ZNRF1: variants seen among roughly 807,000 people sequenced by gnomAD.
ZNRF1 encodes zinc and ring finger 1.
Under a neutral mutation model 18.4 loss-of-function variants are expected in ZNRF1, and 3 were observed. The ratio of observed to expected loss-of-function variants is 0.16; its 90% CI spans 0.07 to 0.42. The LOEUF is 0.42. Ranked by LOEUF, ZNRF1 falls within the 10% of genes least tolerant of loss-of-function variation. The pLI is 0.99. For synonymous variants in ZNRF1, 157 were observed against 144.2 expected (o/e 1.09, Z -0.64); for missense variants, 310 against 329.8 (o/e 0.94, Z 0.47).
intron 1 of ZNRF1, among the ~76,000 whole-genome samples, chr16:75,003,040 G>A (rs139579458): frequency 2.6e-5 from 4 of 152,252 alleles, no homozygotes; most frequent in African/African-American, 7.2e-5. Flanking sequence ...TGCAGTCTCC[G>A]CCTCCCGGGT....
intron 1 of ZNRF1, among the ~76,000 whole-genome samples, chr16:75,034,879 A>C (rs950453481): frequency 6.6e-6 from 1 of 152,030 alleles, no homozygotes; most frequent in Non-Finnish European, 1.5e-5. Context: ...CACCAGCCTC[A>C]GCCTCCCAGA....
At chr16:75,048,095 G>C (rs187909700) in intron 1 of ZNRF1, among the ~76,000 whole-genome samples, 11 of 152,146 alleles carry the variant, frequency 7.2e-5, no homozygotes, top group Non-Finnish European at 1.5e-4. Flanking sequence ...TGGAACTACA[G>C]GCACGCCGCC....
chr16:75,069,721 C>T (rs542409569), intron 1 of ZNRF1, among the ~76,000 whole-genome samples: 1 of 152,150 alleles, frequency 6.6e-6, no homozygotes, highest in Non-Finnish European at 1.5e-5. Context: ...CTCATCTGGA[C>T]TTTTTAAAAC....
intron 1 of ZNRF1, among the ~76,000 whole-genome samples, chr16:75,031,475 A>AT (rs1001884987): frequency 1.4e-4 from 21 of 151,934 alleles, no homozygotes; most frequent in Non-Finnish European, 1.9e-4. Context: ...TTAAAAAAAA[A>AT]TTTTTTTTCT....
At chr16:75,103,107 G>C (rs992361329) in intron 2 of ZNRF1, among the ~76,000 whole-genome samples, 2 of 152,272 alleles carry the variant, frequency 1.3e-5, no homozygotes, top group East Asian at 3.9e-4. Flanking sequence ...TGTGCCTTTT[G>C]ATTTCCTTGT....
chr16:75,051,606 C>T (rs1336097670), intron 1 of ZNRF1, among the ~76,000 whole-genome samples: 1 of 151,866 alleles, frequency 6.6e-6, no homozygotes, highest in Admixed American at 6.6e-5. Context: ...CAATCTCTAC[C>T]TCCCGGGTTC....
At chr16:75,082,769 G>A (rs867100286) in intron 1 of ZNRF1, among the ~76,000 whole-genome samples, 3 of 152,142 alleles carry the variant, frequency 2.0e-5, no homozygotes, top group Non-Finnish European at 1.5e-5. Flanking sequence ...GCCCACGCTG[G>A]TCTTGAATAC....
chr16:75,047,864 G>A (rs1483167779), intron 1 of ZNRF1, among the ~76,000 whole-genome samples: 3 of 152,060 alleles, frequency 2.0e-5, no homozygotes. Context: ...TTTCTTCTGA[G>A]GCCTCTTTCC....
At chr16:75,101,338 G>A (rs370790662) in intron 2 of ZNRF1, among the ~76,000 whole-genome samples, 4 of 152,294 alleles carry the variant, frequency 2.6e-5, no homozygotes, top group African/African-American at 9.6e-5. Context: ...GGTGGATCAC[G>A]AGGTCAAGAG....
At position 75,095,569 on chromosome 16, in the gene ZNRF1, G is replaced by A. The variant is rs145288808; in HGVS notation, c.520+1902G>A. ...CGTTTGTCCTGTGGGTTGCTAGGGCGTTCTCTGTAGACACTGCGTTTGTTG... is the reference window on the plus strand; with the variant it reads ...CGTTTGTCCTGTGGGTTGCTAGGGCATTCTCTGTAGACACTGCGTTTGTTG... On this transcript the variant is annotated intron_variant, in intron 2 of 4. Transcript: ENST00000335325. The A allele has an allele frequency of 7.8e-5, 117 of 1,502,900 alleles. 1 individual carries two copies. In the African/African-American group the frequency reaches 9.0e-4, roughly 12 times the overall value. 93.1% of individuals were successfully genotyped at this position (1,502,900 alleles called of 1,614,324 possible).
At chr16:75,088,378 C>A (rs796545065) in intron 1 of ZNRF1, among the ~76,000 whole-genome samples, 5 of 152,190 alleles carry the variant, frequency 3.3e-5, no homozygotes, top group African/African-American at 1.2e-4. Context: ...CAGCATCTTA[C>A]AACCAGTGCT....
intron 1 of ZNRF1, among the ~76,000 whole-genome samples, chr16:75,077,989 G>A (rs1366257160): frequency 6.6e-6 from 1 of 152,204 alleles, no homozygotes; most frequent in East Asian, 1.9e-4. Context: ...GCCATGTAAG[G>A]TAAACATTCA....
In ZNRF1 at chr16:75,081,663, C is replaced by T. The variant is rs372300165; in HGVS notation, c.425-11909C>T. 1.3e-4 allele frequency among the ~76,000 whole-genome samples: 20 copies of T among 152,244 alleles called. 2 individuals carry two copies. Among genetic ancestry groups the T allele is most frequent in the South Asian group, 1.0e-3 (5 of 4,822 alleles). ...GCGGTGGAAACAGAGGTGGAGCAGC[C>T]ATGTATGTGCAAGGAGAGCGTGATG... On this transcript the variant is annotated intron_variant, in intron 1 of 4. Transcript: ENST00000335325.
intron 1 of ZNRF1, among the ~76,000 whole-genome samples, chr16:75,008,677 G>C (rs1263395921): frequency 6.6e-6 from 1 of 152,162 alleles, no homozygotes; most frequent in African/African-American, 2.4e-5. Context: ...GGTAGGTGCT[G>C]AGAATATATA....
rs759693737 is a variant in ZNRF1 at position 75,106,582 on chromosome 16, G to A, written c.*32+11G>A. ...TGACTCCTCTCAAAGGTGAGCCCGC[G>A]TTTGGGGGTGCTCCGGGCTCAAGGC... On this transcript the variant is annotated intron_variant, in intron 4 of 4. Coordinates refer to ENST00000335325, the MANE Select transcript of ZNRF1 (RefSeq NM_032268.5). 10 of 1,611,868 alleles carry A rather than the reference G, an allele frequency of 6.2e-6. No homozygotes were observed. Among genetic ancestry groups the A allele is most frequent in the African/African-American group, 4.0e-5 (3 of 74,876 alleles).
At chr16:75,106,953 C>T (rs2036323585) in intron 4 of ZNRF1, 1 of 206,226 alleles carries the variant, frequency 4.8e-6, no homozygotes, top group South Asian at 8.5e-5. Context: ...GTCTCCGCCT[C>T]TTCTATGGTA....
chr16:75,069,247 G>C (rs543718873), intron 1 of ZNRF1, among the ~76,000 whole-genome samples: 25 of 151,866 alleles, frequency 1.6e-4, no homozygotes, highest in Non-Finnish European at 2.9e-4. Flanking sequence ...TCATTTGTTT[G>C]GCAGGGGGGT....
chr16:75,102,097 A>G (rs537081784), intron 2 of ZNRF1, among the ~76,000 whole-genome samples: 18 of 152,282 alleles, frequency 1.2e-4, no homozygotes, highest in African/African-American at 3.6e-4. Context: ...TAAGGATCGA[A>G]TCGGTTCCAT....
At chr16:75,004,690 T>C (rs546360577) in intron 1 of ZNRF1, among the ~76,000 whole-genome samples, 1 of 152,352 alleles carries the variant, frequency 6.6e-6, no homozygotes, top group South Asian at 2.1e-4. Flanking sequence ...CATGGTTCAC[T>C]GTAGCCTCAA....
Sources: gnomAD v4.1 joint callset for allele counts (sites outside exome capture counted in the v4.1 genomes callset) on GRCh38, gnomAD v4.1.1 for gene constraint, MANE v1.5 for transcripts, NCBI Gene and HGNC (gene_info 2026-07-23, HGNC 2026-07-21) for gene names.